GLIS1: variants seen among roughly 807,000 people sequenced by gnomAD.
The protein encoded by GLIS1 is zinc finger protein GLIS1.
A neutral mutation model predicts 63.8 loss-of-function variants in GLIS1; 24 were observed. The observed-to-expected ratio is 0.38, with a 90% CI of 0.27 to 0.53. The LOEUF is 0.53. Among genes scored for constraint, GLIS1 ranks in the 20% least tolerant of loss-of-function variants. GLIS1 has a pLI of 0.85. For missense variants in GLIS1, 1,036 were observed against 1,074.1 expected (o/e 0.96, Z 0.50); for synonymous variants, 450 against 482.5 (o/e 0.93, Z 0.88).
At chr1:53,626,642 T>C (rs966991319) in intron 2 of GLIS1, among the ~76,000 whole-genome samples, 1 of 152,258 alleles carries the variant, frequency 6.6e-6, no homozygotes, top group Non-Finnish European at 1.5e-5. Flanking sequence ...ACAACCAAGA[T>C]CTGAGAACAC....
chr1:53,550,129 G>A lies in GLIS1; in HGVS notation c.1321-20177C>T, dbSNP rs185906243. ...GCCAGCCCTGTATTCAATTTTATTCGCAAAGAAGTCAGTTTCCTTACAGGC... is the reference window on the plus strand; with the variant it reads ...GCCAGCCCTGTATTCAATTTTATTCACAAAGAAGTCAGTTTCCTTACAGGC... On this transcript the variant is annotated intron_variant, in intron 4 of 10. Coordinates refer to ENST00000628545, the MANE Select transcript of GLIS1 (RefSeq NM_001367484.1). 1.3e-3 allele frequency among the ~76,000 whole-genome samples: 200 copies of A among 152,284 alleles called. 1 individual carries two copies. The highest frequency in any genetic ancestry group is 2.1e-3 in the Non-Finnish European group (142 of 68,034).
At chr1:53,540,051 C>T (rs1314080048) in intron 4 of GLIS1, among the ~76,000 whole-genome samples, 1 of 152,192 alleles carries the variant, frequency 6.6e-6, no homozygotes, top group Non-Finnish European at 1.5e-5. Flanking sequence ...CTGAGGCCTT[C>T]CCAGTTCTCT....
intron 2 of GLIS1, among the ~76,000 whole-genome samples, chr1:53,707,768 G>A (rs998406496): frequency 6.6e-6 from 1 of 151,884 alleles, no homozygotes; most frequent in African/African-American, 2.4e-5. Context: ...GCCCAGGCTG[G>A]TCTCAAACTC....
chr1:53,676,480 C>T (rs953335470), intron 2 of GLIS1, among the ~76,000 whole-genome samples: 5 of 152,148 alleles, frequency 3.3e-5, no homozygotes, highest in African/African-American at 4.8e-5. Flanking sequence ...AGGCCCTGCC[C>T]GGGTCTTCCT....
At chr1:53,551,115 G>C (rs1363866161) in intron 4 of GLIS1, among the ~76,000 whole-genome samples, 1 of 152,146 alleles carries the variant, frequency 6.6e-6, no homozygotes, top group African/African-American at 2.4e-5. Context: ...CCAAGGTGCT[G>C]GGATTACAGG....
chr1:53,614,427 G>A (rs562356741), intron 2 of GLIS1, among the ~76,000 whole-genome samples: 1 of 152,208 alleles, frequency 6.6e-6, no homozygotes, highest in East Asian at 1.9e-4. Flanking sequence ...GCGTTCCAGG[G>A]CGGGAACACA....
intron 2 of GLIS1, among the ~76,000 whole-genome samples, chr1:53,706,665 C>T (rs1237803475): frequency 6.6e-6 from 1 of 152,222 alleles, no homozygotes; most frequent in Non-Finnish European, 1.5e-5. Context: ...TAATCGGAAA[C>T]ACGTGCCTTG....
intron 2 of GLIS1, among the ~76,000 whole-genome samples, chr1:53,719,826 A>G (rs1402138914): frequency 6.6e-6 from 1 of 152,200 alleles, no homozygotes; most frequent in Non-Finnish European, 1.5e-5. Context: ...CTACCCTATG[A>G]TCCAGCAATC....
intron 2 of GLIS1, among the ~76,000 whole-genome samples, chr1:53,673,319 G>A (rs1485808654): frequency 1.3e-5 from 2 of 152,236 alleles, no homozygotes; most frequent in African/African-American, 4.8e-5. Context: ...CTTGGCCAGG[G>A]AAACTCAGCC....
chr1:53,711,589 T>C (rs982437146), intron 2 of GLIS1, among the ~76,000 whole-genome samples: 1 of 152,218 alleles, frequency 6.6e-6, no homozygotes, highest in Non-Finnish European at 1.5e-5. Flanking sequence ...CACAGCTCTT[T>C]CTTTTATTAG....
In GLIS1 at chr1:53,514,751, T is replaced by C. The variant is rs780775795; in HGVS notation, c.1757A>G (p.Asn586Ser). The part of the protein sequence containing the change: ...GVYPGSITPH[N>S]GLASGLLPPA... Reference sequence around the variant, plus strand: ...GGGCAGGAGGCCCGATGCAAGTCCGTTATGGGGGGTGATGGAGCCAGGATA... The same window carrying C: ...GGGCAGGAGGCCCGATGCAAGTCCGCTATGGGGGGTGATGGAGCCAGGATA... Residue 586 changes from asparagine to serine, a missense_variant, in exon 8 of 11, where the codon AAC (asparagine) becomes AGC (serine). By Grantham distance (46) the Asn-to-Ser change is conservative. Transcript: ENST00000628545. The C allele has an allele frequency of 5.0e-6, 8 of 1,606,356 alleles. No individual in the cohort carries two copies. The South Asian group carries it at 9.0e-5, about 18-fold the overall frequency.
Position 53,545,819 on chromosome 1 carries a change from C to T in GLIS1, c.1321-15867G>A, listed in dbSNP as rs575309877. On this transcript the variant is annotated intron_variant, in intron 4 of 10. Transcript: ENST00000628545. ...ATTCTAGACTTCTTGCCTAGTGCTA[C>T]GTGTGCCCTTGCGTGAGTCGCTGCA... Among the ~76,000 whole-genome samples the T allele has an allele frequency of 6.6e-5, 10 of 152,362 alleles. No individual in the cohort carries two copies. The South Asian group carries it at 2.1e-3, about 32-fold the overall frequency.
intron 4 of GLIS1, among the ~76,000 whole-genome samples, chr1:53,540,599 A>G (rs529797121): frequency 6.6e-6 from 1 of 152,210 alleles, no homozygotes; most frequent in East Asian, 1.9e-4. Context: ...CCAAGTTCCA[A>G]GAAGAAATAG....
At chr1:53,557,638 C>T (rs1345649794) in intron 4 of GLIS1, among the ~76,000 whole-genome samples, 2 of 152,136 alleles carry the variant, frequency 1.3e-5, no homozygotes, top group African/African-American at 2.4e-5. Flanking sequence ...TTGAAACAGA[C>T]GCACAGGGCA....
At chr1:53,673,812 A>G (rs1646180854) in intron 2 of GLIS1, among the ~76,000 whole-genome samples, 2 of 152,236 alleles carry the variant, frequency 1.3e-5, no homozygotes, top group Admixed American at 1.3e-4. Flanking sequence ...TAGGTGGTGA[A>G]GTCCGCATGA....
intron 7 of GLIS1, among the ~76,000 whole-genome samples, chr1:53,515,112 TG>T (rs1644338323): frequency 6.7e-6 from 1 of 149,518 alleles, no homozygotes; most frequent in Non-Finnish European, 1.5e-5. Flanking sequence ...TGTGTGTGTG[TG>T]TGTGTGTTCT....
At chr1:53,629,028 C>A (rs987943845) in intron 2 of GLIS1, among the ~76,000 whole-genome samples, 1 of 152,152 alleles carries the variant, frequency 6.6e-6, no homozygotes, top group Non-Finnish European at 1.5e-5. Context: ...CCTCTCTGAT[C>A]TGATCTCCCA....
At chr1:53,562,176 C>T (rs1217727330) in intron 4 of GLIS1, among the ~76,000 whole-genome samples, 1 of 152,190 alleles carries the variant, frequency 6.6e-6, no homozygotes, top group Non-Finnish European at 1.5e-5. Context: ...CAGAACACCA[C>T]AGTGAGGGAA....
chr1:53,591,037 A>G (rs1645188812), intron 4 of GLIS1, among the ~76,000 whole-genome samples: 1 of 152,214 alleles, frequency 6.6e-6, no homozygotes, highest in East Asian at 1.9e-4. Flanking sequence ...GGCTGCTGGA[A>G]AGATAATAAA....
Sources: gnomAD v4.1 joint callset for allele counts (sites outside exome capture counted in the v4.1 genomes callset) on GRCh38, gnomAD v4.1.1 for gene constraint, MANE v1.5 for transcripts, NCBI Gene and HGNC (gene_info 2026-07-23, HGNC 2026-07-21) for gene names.